The following BCAR3 variants were observed in gnomAD, a reference collection of about 807,000 sequenced individuals.
BCAR3 encodes BCAR3 adaptor protein, NSP family member.
In BCAR3, 37 loss-of-function variants were observed where a neutral mutation model predicts 80.1. The observed-to-expected ratio is 0.46, with a 90% confidence interval of 0.36 to 0.61. The LOEUF (loss-of-function observed/expected upper bound fraction) is 0.61. Among genes scored for constraint, BCAR3 ranks in the 20% least tolerant of loss-of-function variants. The pLI is 0.00. For synonymous variants in BCAR3, 389 were observed against 418.9 expected (o/e 0.93, Z 0.87); for missense variants, 978 against 1,068.2 (o/e 0.92, Z 1.18).
At chr1:93,657,728 CAA>C (rs35976570) in intron 2 of BCAR3, among the ~76,000 whole-genome samples, 1 of 130,108 alleles carries the variant, frequency 7.7e-6, no homozygotes. Flanking sequence ...GTATGGCCCA[CAA>C]AAAAAAAAAA....
At chr1:93,813,324 G>A (rs1186099825) in intron 2 of BCAR3, among the ~76,000 whole-genome samples, 1 of 152,138 alleles carries the variant, frequency 6.6e-6, no homozygotes, top group Non-Finnish European at 1.5e-5. Flanking sequence ...GGGCTCCACA[G>A]TGGGCTGAAG....
At chr1:93,748,661 T>C (rs1349287098) in intron 2 of BCAR3, among the ~76,000 whole-genome samples, 2 of 152,256 alleles carry the variant, frequency 1.3e-5, no homozygotes, top group East Asian at 1.9e-4. Context: ...GTCTGCACAA[T>C]TAAAAGCACC....
intron 3 of BCAR3, among the ~76,000 whole-genome samples, chr1:93,617,141 T>C (rs1193192561): frequency 2.0e-5 from 3 of 152,168 alleles, no homozygotes; most frequent in East Asian, 3.8e-4. Context: ...CTGCCAGCCA[T>C]ATTCAGCAGA....
intron 2 of BCAR3, among the ~76,000 whole-genome samples, chr1:93,713,493 G>A (rs1650095393): frequency 6.6e-6 from 1 of 152,202 alleles, no homozygotes; most frequent in Non-Finnish European, 1.5e-5. Context: ...GCTCTTCAGA[G>A]AGGCAGCCTT....
chr1:93,657,853 A>C (rs76380553), intron 2 of BCAR3, among the ~76,000 whole-genome samples: 4,396 of 152,280 alleles, frequency 0.029, 100 homozygotes, highest in East Asian at 0.08. Context: ...GTATCTGCCA[A>C]AAACCTCAGC....
At chr1:93,817,214 A>C (rs1292771788) in intron 2 of BCAR3, among the ~76,000 whole-genome samples, 1 of 152,196 alleles carries the variant, frequency 6.6e-6, no homozygotes, top group Non-Finnish European at 1.5e-5. Context: ...GTGAGCAGGC[A>C]CTTTTAAGTA....
At chr1:93,598,349 G>C (rs1364005519) in intron 3 of BCAR3, among the ~76,000 whole-genome samples, 1 of 152,196 alleles carries the variant, frequency 6.6e-6, no homozygotes, top group Non-Finnish European at 1.5e-5. Context: ...GAAAAAGGTG[G>C]CATCTGCATT....
chr1:93,812,258 A>G (rs1571144729), intron 2 of BCAR3, among the ~76,000 whole-genome samples: 1 of 151,960 alleles, frequency 6.6e-6, no homozygotes, highest in South Asian at 2.1e-4. Context: ...ACGCACCCTT[A>G]CCATCCCCTT....
intron 2 of BCAR3, among the ~76,000 whole-genome samples, chr1:93,809,775 T>TAAAAAAAAA: frequency 1.8e-5 from 1 of 55,512 alleles, no homozygotes; most frequent in Non-Finnish European, 3.6e-5. Context: ...CTCAAAAAGA[T>TAAAAAAAAA]AAAAAAAAAA....
At chr1:93,809,081 T>A (rs1336869556) in intron 2 of BCAR3, among the ~76,000 whole-genome samples, 1 of 152,126 alleles carries the variant, frequency 6.6e-6, no homozygotes, top group African/African-American at 2.4e-5. Flanking sequence ...TGCCAAGTGC[T>A]CCTTTGACAA....
intron 3 of BCAR3, among the ~76,000 whole-genome samples, chr1:93,605,104 C>T (rs924233417): frequency 1.3e-5 from 2 of 152,146 alleles, no homozygotes; most frequent in Admixed American, 6.6e-5. Context: ...GGGTACCTTC[C>T]GTCTAGATCA....
chr1:93,760,608 T>TAAAAA (rs11365595), intron 2 of BCAR3, among the ~76,000 whole-genome samples: 24 of 149,318 alleles, frequency 1.6e-4, no homozygotes, highest in African/African-American at 5.9e-4. Flanking sequence ...TAAATTAGCT[T>TAAAAA]AAAAAAAAAA....
chr1:93,603,210 A>G (rs1165867723), intron 3 of BCAR3, among the ~76,000 whole-genome samples: 1 of 152,254 alleles, frequency 6.6e-6, no homozygotes, highest in Non-Finnish European at 1.5e-5. Flanking sequence ...ACAAAACCAA[A>G]TGTGAACGTG....
intron 3 of BCAR3, among the ~76,000 whole-genome samples, chr1:93,690,512 T>G: frequency 6.6e-6 from 1 of 152,232 alleles, no homozygotes; most frequent in East Asian, 1.9e-4. Flanking sequence ...AGCTGAGCTC[T>G]GAACCCAGGC....
At chr1:93,722,800 G>A (rs1414428199) in intron 2 of BCAR3, among the ~76,000 whole-genome samples, 2 of 152,106 alleles carry the variant, frequency 1.3e-5, no homozygotes, top group Admixed American at 6.5e-5. Context: ...CTAGTCAGGC[G>A]AACAGGCCCC....
chr1:93,590,089 A>G (rs370996083), intron 4 of BCAR3, among the ~76,000 whole-genome samples: 2 of 152,150 alleles, frequency 1.3e-5, no homozygotes, highest in Non-Finnish European at 2.9e-5. Flanking sequence ...TAGATTCTGG[A>G]CACACCAATT....
intron 3 of BCAR3, among the ~76,000 whole-genome samples, chr1:93,593,103 G>A (rs1475218199): frequency 2.2e-4 from 33 of 151,754 alleles, no homozygotes; most frequent in Admixed American, 2.2e-3. Context: ...AGTGGCCATG[G>A]CAGTGAGTGC....
rs956643790 is a variant in BCAR3 at position 93,824,256 on chromosome 1, G to A, written c.-63+21311C>T. On this transcript the variant is annotated intron_variant, in intron 2 of 13. Coordinates refer to the BCAR3 transcript ENST00000370244. ...CTACCATTGTAAACTGTTCCTGCAAGCACTGTTTAAGACTCCTAAAGAACA... is the reference window on the plus strand; with the variant it reads ...CTACCATTGTAAACTGTTCCTGCAAACACTGTTTAAGACTCCTAAAGAACA... Among the ~76,000 whole-genome samples, 15 of 133,590 alleles carry A rather than the reference G, an allele frequency of 1.1e-4. 5 individuals carry two copies. Among genetic ancestry groups the A allele is most frequent in the Non-Finnish European group, 2.2e-4 (13 of 59,200 alleles). 87.6% of individuals were successfully genotyped at this position (133,590 alleles called of 152,430 possible).
chr1:93,564,204 A>T (rs921084002), intron 11 of BCAR3, among the ~76,000 whole-genome samples: 4 of 151,678 alleles, frequency 2.6e-5, no homozygotes, highest in African/African-American at 9.7e-5. Context: ...TGTATAGCCT[A>T]GATGTAAGTC....
Sources: gnomAD v4.1 joint callset for allele counts (sites outside exome capture counted in the v4.1 genomes callset) on GRCh38, gnomAD v4.1.1 for gene constraint, MANE v1.5 for transcripts, NCBI Gene and HGNC (gene_info 2026-07-23, HGNC 2026-07-21) for gene names.